SLC22A15: variants seen among roughly 807,000 people sequenced by gnomAD.
SLC22A15 encodes solute carrier family 22 member 15.
Under a neutral mutation model 62.7 loss-of-function variants are expected in SLC22A15, and 45 were observed. The ratio of observed to expected loss-of-function variants is 0.72; its 90% CI spans 0.56 to 0.92. The LOEUF is 0.92. Ranked by LOEUF, SLC22A15 falls within the 40% of genes least tolerant of loss-of-function variation. The pLI is 0.00. For missense variants in SLC22A15, 622 were observed against 665.6 expected (o/e 0.93, Z 0.72); for synonymous variants, 264 against 267.0 (o/e 0.99, Z 0.11).
intron 2 of SLC22A15, among the ~76,000 whole-genome samples, chr1:116,016,763 G>A (rs909735560): frequency 6.6e-6 from 1 of 151,968 alleles, no homozygotes; most frequent in African/African-American, 2.4e-5. Flanking sequence ...TCTTCCATTC[G>A]TTCCTACTCC....
rs1333351312 is a variant in SLC22A15 at position 116,068,219 on chromosome 1, A to G, written c.*1111A>G. The G allele has an allele frequency of 1.3e-5, 2 of 152,654 alleles. No individual in the cohort carries two copies. Among genetic ancestry groups the G allele is most frequent in the African/African-American group, 4.8e-5 (2 of 41,462 alleles). 9.5% of individuals were successfully genotyped at this position (152,654 alleles called of 1,614,324 possible). On this transcript the variant is annotated 3_prime_UTR_variant, in exon 12 of 12. Coordinates refer to ENST00000369503, the MANE Select transcript of SLC22A15 (RefSeq NM_018420.3). ...ATCTTGTATTTGATTTCCTAAAATC[A>G]TGTCTTGAAAACATGTTTTCTCATG...
At chr1:115,983,123 C>T (rs1419849513) in intron 1 of SLC22A15, among the ~76,000 whole-genome samples, 2 of 152,164 alleles carry the variant, frequency 1.3e-5, no homozygotes, top group African/African-American at 4.8e-5. Flanking sequence ...CTTCTAAAAA[C>T]ATTTCCAAAT....
At chr1:116,037,517 G>C in intron 8 of SLC22A15, 129 bp downstream of exon 8, 1 of 714,060 alleles carries the variant, frequency 1.4e-6, no homozygotes, top group Non-Finnish European at 2.5e-6. Context: ...AATTGTGTGG[G>C]ATATAATGGG....
chr1:116,031,445 A>G lies in SLC22A15; in HGVS notation c.808A>G (p.Lys270Glu), dbSNP rs757742002. 7.4e-6 allele frequency: 12 copies of G among 1,613,912 alleles called. No homozygotes were observed. In the East Asian group the frequency reaches 2.0e-4, roughly 27 times the overall value. Residue 270 changes from lysine (K) to glutamate (E), a missense_variant, in exon 6 of 12, where the codon AAG (lysine) becomes GAG (glutamate). By Grantham distance (56) the Lys-to-Glu change is moderately conservative (BLOSUM62 1). Transcript: ENST00000369503. ...EAEEALYLIA[K>E]RNRKLKCTFS... ...TGAAGAGGCGCTGTACCTCATTGCC[A>G]AGAGGAACCGCAAACTCAAGTGCAC...
Position 115,991,425 on chromosome 1 carries a change from A to G in SLC22A15, c.88-606A>G, listed in dbSNP as rs181340607. Among the ~76,000 whole-genome samples, 8 of 152,366 alleles carry G rather than the reference A, an allele frequency of 5.3e-5. No individual in the cohort carries two copies. The East Asian group carries it at 7.7e-4, about 15-fold the overall frequency. Reference sequence around the variant, plus strand: ...ACTCAGGGTTACAAAATGAATATCTATAGCTGGGACTTTGAATTTCTTAAA... The same window carrying G: ...ACTCAGGGTTACAAAATGAATATCTGTAGCTGGGACTTTGAATTTCTTAAA... On this transcript the variant is annotated intron_variant, in intron 1 of 11. Transcript: ENST00000369503.
intron 8 of SLC22A15, among the ~76,000 whole-genome samples, chr1:116,058,594 G>A (rs1021579004): frequency 1.3e-5 from 2 of 152,168 alleles, no homozygotes; most frequent in Admixed American, 6.5e-5. Flanking sequence ...ACTACCATTT[G>A]ATCCAGCAAT....
intron 2 of SLC22A15, among the ~76,000 whole-genome samples, chr1:116,001,763 T>C (rs1024536669): frequency 9.9e-5 from 15 of 152,144 alleles, no homozygotes; most frequent in African/African-American, 3.6e-4. Context: ...TTCACTGAGC[T>C]TTCTCAAAAC....
intron 1 of SLC22A15, among the ~76,000 whole-genome samples, chr1:115,977,579 C>A (rs983887051): frequency 1.3e-5 from 2 of 152,210 alleles, no homozygotes; most frequent in Non-Finnish European, 2.9e-5. Context: ...TGTGAGCCAG[C>A]CATTTTACTC....
At chr1:116,065,898 C>T (rs1168281464) in intron 10 of SLC22A15, among the ~76,000 whole-genome samples, 3 of 152,150 alleles carry the variant, frequency 2.0e-5, no homozygotes, top group East Asian at 1.9e-4. Context: ...GAAATGTTTC[C>T]GTTTTCCTGA....
At chr1:116,016,313 A>G (rs753375507) in intron 2 of SLC22A15, among the ~76,000 whole-genome samples, 7 of 151,630 alleles carry the variant, frequency 4.6e-5, no homozygotes, top group Non-Finnish European at 1.0e-4. Context: ...TGTAGCCCCA[A>G]CCTCCCAGGC....
chr1:116,041,978 G>A (rs914678818), intron 8 of SLC22A15, among the ~76,000 whole-genome samples: 1 of 151,716 alleles, frequency 6.6e-6, no homozygotes, highest in Non-Finnish European at 1.5e-5. Context: ...TGCCATAAAA[G>A]TGCTTAAAAA....
rs574995000 is a variant in SLC22A15, at chr1:116,037,016, A to G, written c.1086-287A>G. Among the ~76,000 whole-genome samples, 11 of 152,354 alleles carry G rather than the reference A, an allele frequency of 7.2e-5. No homozygotes were observed. The South Asian group carries it at 2.1e-3, about 29-fold the overall frequency. On this transcript the variant is annotated intron_variant, in intron 7 of 11. Transcript: ENST00000369503. ...ATAAGATAATAGATGGTAAACATTT[A>G]AAACAGTGTCTGAAACTTAGGATTT...
At chr1:116,032,660 C>A in intron 6 of SLC22A15, 1 of 981,802 alleles carries the variant, frequency 1.0e-6, no homozygotes, top group Non-Finnish European at 1.2e-6. Context: ...CATCACAGCA[C>A]TAGGAATATC....
intron 8 of SLC22A15, among the ~76,000 whole-genome samples, chr1:116,053,248 A>G (rs1309535634): frequency 6.6e-6 from 1 of 152,212 alleles, no homozygotes; most frequent in African/African-American, 2.4e-5. Flanking sequence ...CGAGAACCAC[A>G]TGAAGAATGC....
chr1:116,030,818 T>C (rs1267422214), intron 5 of SLC22A15, among the ~76,000 whole-genome samples: 3 of 152,212 alleles, frequency 2.0e-5, no homozygotes, highest in Non-Finnish European at 4.4e-5. Flanking sequence ...GTTTCATCTT[T>C]ATGTGTAGTC....
chr1:116,043,887 C>T (rs943030243), intron 8 of SLC22A15, among the ~76,000 whole-genome samples: 3 of 152,054 alleles, frequency 2.0e-5, no homozygotes, highest in African/African-American at 7.2e-5. Flanking sequence ...TTATAAACTA[C>T]CAAAGCTTAC....
intron 2 of SLC22A15, among the ~76,000 whole-genome samples, chr1:116,006,056 G>T (rs1051833955): frequency 6.6e-6 from 1 of 152,186 alleles, no homozygotes; most frequent in Non-Finnish European, 1.5e-5. Context: ...ATGCAATCTT[G>T]ATTAGAATGC....
intron 8 of SLC22A15, among the ~76,000 whole-genome samples, chr1:116,058,028 G>C (rs1302752799): frequency 1.3e-5 from 2 of 150,556 alleles, no homozygotes; most frequent in African/African-American, 4.9e-5. Flanking sequence ...TGCACATTGT[G>C]CACATGTACC....
rs1247300509 is a variant in SLC22A15 at position 116,056,016 on chromosome 1, C to G, written c.1172-6746C>G. 9.8e-4 allele frequency among the ~76,000 whole-genome samples: 117 copies of G among 119,854 alleles called. 1 individual carries two copies. The highest frequency in any genetic ancestry group is 3.5e-3 in the African/African-American group (109 of 31,380). 78.6% of individuals were successfully genotyped at this position (119,854 alleles called of 152,430 possible). On this transcript the variant is annotated intron_variant, in intron 8 of 11. Transcript: ENST00000369503. ...GGCACAAGACAGCGATGCCCTCTCT[C>G]ACCACTCCTATTCAACATAGTGTTG... is the stretch of plus-strand genomic sequence containing the variant.
Sources: allele counts gnomAD v4.1 joint callset (sites outside exome capture counted in the v4.1 genomes callset), GRCh38; gene constraint gnomAD v4.1.1; transcripts MANE v1.5; gene names NCBI Gene and HGNC (gene_info 2026-07-23, HGNC 2026-07-21).